The following ERBIN variants were observed in gnomAD, a reference collection of about 807,000 sequenced individuals.
The protein encoded by ERBIN is erbb2 interacting protein.
Under a neutral mutation model 158.4 loss-of-function variants are expected in ERBIN, and 60 were observed. That is an observed-to-expected ratio of 0.38 (90% CI 0.31 to 0.47). The LOEUF (loss-of-function observed/expected upper bound fraction) is 0.47. Among genes scored for constraint, ERBIN ranks in the 20% least tolerant of loss-of-function variants. The pLI, the probability that ERBIN is intolerant of heterozygous loss-of-function variation, is 0.99. For synonymous variants in ERBIN, 594 were observed against 557.2 expected (o/e 1.07, Z -0.93); for missense variants, 1,610 against 1,648.0 (o/e 0.98, Z 0.40).
chr5:66,073,424 G>A (rs1761704408), intron 22 of ERBIN, among the ~76,000 whole-genome samples: 1 of 152,098 alleles, frequency 6.6e-6, no homozygotes, highest in Non-Finnish European at 1.5e-5. Flanking sequence ...GAAATGTAGG[G>A]CTAATATAGC....
chr5:65,931,933 C>T (rs1743460218), intron 1 of ERBIN, among the ~76,000 whole-genome samples: 1 of 151,660 alleles, frequency 6.6e-6, no homozygotes, highest in Non-Finnish European at 1.5e-5. Flanking sequence ...ATTCTCTTGC[C>T]TCAGCCTCCT....
chr5:65,977,253 C>T (rs1580224480), intron 1 of ERBIN, among the ~76,000 whole-genome samples: 1 of 151,366 alleles, frequency 6.6e-6, no homozygotes, highest in Non-Finnish European at 1.5e-5. Flanking sequence ...GGGCTGACCC[C>T]CCCACCTCCC....
intron 1 of ERBIN, among the ~76,000 whole-genome samples, chr5:65,973,041 G>A (rs1302324761): frequency 1.3e-5 from 2 of 151,246 alleles, no homozygotes; most frequent in Admixed American, 1.3e-4. Flanking sequence ...TAAGAAATTA[G>A]GGCCTTGTCA....
intron 1 of ERBIN, among the ~76,000 whole-genome samples, chr5:65,962,747 T>G (rs1244763663): frequency 1.3e-5 from 2 of 152,210 alleles, no homozygotes; most frequent in Admixed American, 6.5e-5. Context: ...ATTTTTCCAT[T>G]ACTAATACTC....
At chr5:65,955,317 C>G (rs1332603910) in intron 1 of ERBIN, among the ~76,000 whole-genome samples, 3 of 152,052 alleles carry the variant, frequency 2.0e-5, no homozygotes, top group Non-Finnish European at 4.4e-5. Flanking sequence ...TTGCTGTAAT[C>G]TGCTTCTTGA....
Position 66,043,073 on chromosome 5 carries a change from C to A in ERBIN, c.1307-4C>A. 1 of 1,576,730 alleles carries A rather than the reference C, an allele frequency of 6.3e-7. No homozygotes were observed. Among genetic ancestry groups the A allele is most frequent in the South Asian group, 1.1e-5 (1 of 87,130 alleles). ...GTAGGTTTTTGTTTTTTACTTTTCT[C>A]TAGTTATGTTTATATCAGATAATGA... is the stretch of plus-strand genomic sequence containing the variant. On this transcript the variant is annotated splice_polypyrimidine_tract_variant and splice_region_variant and intron_variant, in intron 15 of 25. Coordinates refer to ENST00000284037, the MANE Select transcript of ERBIN (RefSeq NM_001253697.2).
At chr5:65,999,812 A>G (rs1184576374) in intron 4 of ERBIN, among the ~76,000 whole-genome samples, 2 of 152,158 alleles carry the variant, frequency 1.3e-5, no homozygotes, top group East Asian at 1.9e-4. Flanking sequence ...TTCCATCCCT[A>G]GTACTTAGTA....
intron 7 of ERBIN, among the ~76,000 whole-genome samples, chr5:66,017,240 T>C (rs1419713384): frequency 6.6e-6 from 1 of 152,196 alleles, no homozygotes; most frequent in Non-Finnish European, 1.5e-5. Flanking sequence ...ATGTGATAGT[T>C]CTATTTTTAA....
In ERBIN at chr5:66,079,789, GT is replaced by G. The variant is rs1272888227; in HGVS notation, c.*1260del. The G allele has an allele frequency of 6.6e-6, 1 of 152,538 alleles. No individual in the cohort carries two copies. Among genetic ancestry groups the G allele is most frequent in the Non-Finnish European group, 1.5e-5 (1 of 68,002 alleles). The allele number at this position is 152,538 out of a possible 1,614,324, so 9.4% of individuals were successfully genotyped here. A position where few individuals can be genotyped will look rare whatever the true frequency, so the allele number is the denominator to read the frequency against. ...CAGAGTCTTTAAAGGGTTTCTATGT[GT>G]ATCAGTGTAATAGTGTTTTACCACC... On this transcript the variant is annotated 3_prime_UTR_variant, in exon 26 of 26. Coordinates refer to ENST00000284037, the MANE Select transcript of ERBIN (RefSeq NM_001253697.2).
intron 4 of ERBIN, among the ~76,000 whole-genome samples, chr5:66,011,154 A>T (rs1054249145): frequency 2.0e-5 from 3 of 152,216 alleles, no homozygotes; most frequent in African/African-American, 7.2e-5. Flanking sequence ...TATTTTTAGC[A>T]TGACATTGGG....
chr5:65,958,690 T>A (rs1304916355), intron 1 of ERBIN, among the ~76,000 whole-genome samples: 1 of 151,974 alleles, frequency 6.6e-6, no homozygotes, highest in African/African-American at 2.4e-5. Flanking sequence ...AATGTAGGAT[T>A]TTTTTACTTT....
At chr5:65,985,786 G>A (rs577926057) in intron 1 of ERBIN, among the ~76,000 whole-genome samples, 3 of 152,230 alleles carry the variant, frequency 2.0e-5, no homozygotes, top group Middle Eastern at 3.4e-3. Context: ...TAGTTCTTCT[G>A]TTCTTTCTTG....
At chr5:66,042,097 T>C (rs1757968633) in intron 15 of ERBIN, among the ~76,000 whole-genome samples, 1 of 151,956 alleles carries the variant, frequency 6.6e-6, no homozygotes, top group Admixed American at 6.6e-5. Flanking sequence ...AATTAGAAGT[T>C]TTTGTATTAT....
chr5:65,936,618 C>T (rs970355025), intron 1 of ERBIN, among the ~76,000 whole-genome samples: 2 of 152,138 alleles, frequency 1.3e-5, no homozygotes, highest in African/African-American at 2.4e-5. Flanking sequence ...TCTGTCGATT[C>T]TGTCTTACAA....
intron 15 of ERBIN, among the ~76,000 whole-genome samples, chr5:66,041,567 A>T (rs1412043532): frequency 3.3e-5 from 5 of 152,174 alleles, no homozygotes; most frequent in South Asian, 4.1e-4. Flanking sequence ...TGAGATTTAT[A>T]CTAAAGAGTA....
At chr5:66,001,716 G>T (rs1418816835) in intron 4 of ERBIN, among the ~76,000 whole-genome samples, 2 of 152,060 alleles carry the variant, frequency 1.3e-5, no homozygotes, top group Admixed American at 6.6e-5. Flanking sequence ...GATAAAACTG[G>T]AATGTTAATT....
intron 1 of ERBIN, among the ~76,000 whole-genome samples, chr5:65,957,135 A>G (rs1225325380): frequency 6.6e-6 from 1 of 152,080 alleles, no homozygotes. Flanking sequence ...ACTGTGGTAC[A>G]TATGTCTAGG....
At chr5:66,072,120 C>A in intron 21 of ERBIN, 49 bp from the exon 22 acceptor site, 2 of 1,526,640 alleles carry the variant, frequency 1.3e-6, no homozygotes, top group South Asian at 2.5e-5. Flanking sequence ...CTCTTGGTTT[C>A]ACATCTTAAA....
intron 1 of ERBIN, chr5:65,961,375 C>T (rs1463791043): frequency 1.3e-5 from 2 of 152,118 alleles, no homozygotes; most frequent in Admixed American, 6.6e-5. Context: ...ATCGTTTTCC[C>T]ATCAGAGTTA....
Sources: gnomAD v4.1 joint callset for allele counts (sites outside exome capture counted in the v4.1 genomes callset) on GRCh38, gnomAD v4.1.1 for gene constraint, MANE v1.5 for transcripts, NCBI Gene and HGNC (gene_info 2026-07-23, HGNC 2026-07-21) for gene names.